CNR1: variants seen among roughly 807,000 people sequenced by gnomAD.
The protein encoded by CNR1 is cannabinoid receptor 1, also known as cannabinoid receptor 1 (brain).
CNR1 carries 10 observed loss-of-function variants against 23.0 expected under a neutral mutation model. That is an observed-to-expected ratio of 0.43 (90% confidence interval 0.27 to 0.74). The LOEUF is 0.74. Among genes scored for constraint, CNR1 ranks in the 30% least tolerant of loss-of-function variants. The probability of loss-of-function intolerance (pLI) is 0.19; values close to 1 mark genes in which losing one functional copy is unlikely to be tolerated. For synonymous variants in CNR1, 271 were observed against 255.2 expected, an observed-to-expected ratio of 1.06 and a Z score of -0.59; for missense variants, 422 against 618.8, an observed-to-expected ratio of 0.68 and a Z score of 3.37.
intron 1 of CNR1, among the ~76,000 whole-genome samples, chr6:88,150,375 T>G (rs1341282845): frequency 2.0e-5 from 3 of 152,182 alleles, no homozygotes; most frequent in Non-Finnish European, 4.4e-5. Flanking sequence ...GGAGTAAGTT[T>G]CTTGTTACCC....
rs1776723764 is a variant in CNR1, at chr6:88,140,069, A to T, written c.*3787T>A. Reference sequence around the variant, plus strand: ...TTAATGACTGAAGCTACATTTAATAACAATCTTACCAGTACTTGTATACAA... The same window carrying T: ...TTAATGACTGAAGCTACATTTAATATCAATCTTACCAGTACTTGTATACAA... On this transcript the variant is annotated 3_prime_UTR_variant, in exon 2 of 2. Coordinates refer to ENST00000369501, the MANE Select transcript of CNR1 (RefSeq NM_016083.6). The T allele has an allele frequency of 6.5e-6, 1 of 152,810 alleles. No homozygotes were observed. The highest frequency in any genetic ancestry group is 1.5e-5 in the Non-Finnish European group (1 of 68,036). The allele number at this position is 152,810 out of a possible 1,614,324, so 9.5% of individuals were successfully genotyped here. A position where few individuals can be genotyped will look rare whatever the true frequency, so the allele number is the denominator to read the frequency against.
intron 1 of CNR1, among the ~76,000 whole-genome samples, chr6:88,154,461 AT>A (rs1264776763): frequency 2.0e-5 from 3 of 152,262 alleles, no homozygotes; most frequent in Non-Finnish European, 4.4e-5. Flanking sequence ...TGTATAACAA[AT>A]TCCATTTACT....
At position 88,144,397 on chromosome 6, in the gene CNR1, G is replaced by A. The variant is rs750147244; in HGVS notation, c.878C>T (p.Ala293Val). The change falls in exon 2 of 2, where the codon GCG (alanine) becomes GTG (valine). Residue 293 changes from alanine (A) to valine (V), a missense_variant. Transcript: ENST00000369501. The surrounding 1 kb of genome is among the most constrained non-coding windows in gnomAD (Gnocchi z 7.8). ...TSVLLLFIVY[A>V]YMYILWKAHS... Reference sequence around the variant, plus strand: ...AGCCTTCCAGAGAATATACATGTACGCATACACGATGAACAGAAGCAGTAC... The same window carrying A: ...AGCCTTCCAGAGAATATACATGTACACATACACGATGAACAGAAGCAGTAC... 3.7e-6 allele frequency: 6 copies of A among 1,613,926 alleles called. No homozygotes were observed. The highest frequency in any genetic ancestry group is 1.1e-5 in the South Asian group (1 of 91,082).
In CNR1 at chr6:88,143,753, A is replaced by C; in HGVS notation, c.*103T>G. On this transcript the variant is annotated 3_prime_UTR_variant, in exon 2 of 2. Transcript: ENST00000369501. ...GGTGACAATCACCTTTTCATTGAGC[A>C]TGGTAAAGTTAAAAAAATATAACCA... The C allele has an allele frequency of 1.2e-6, 1 of 805,912 alleles. No individual in the cohort carries two copies. The highest frequency in any genetic ancestry group is 1.7e-5 in the South Asian group (1 of 59,556). The allele number at this position is 805,912 out of a possible 1,614,324, so 49.9% of individuals were successfully genotyped here.
intron 1 of CNR1, among the ~76,000 whole-genome samples, chr6:88,153,183 C>A (rs1777619992): frequency 6.6e-6 from 1 of 152,094 alleles, no homozygotes; most frequent in African/African-American, 2.4e-5. Context: ...TCTCTGTATG[C>A]AAACCTGCCT....
At chr6:88,148,910 G>A (rs1003153999) in intron 1 of CNR1, among the ~76,000 whole-genome samples, 1 of 152,236 alleles carries the variant, frequency 6.6e-6, no homozygotes, top group African/African-American at 2.4e-5. Flanking sequence ...CTGCCAAACT[G>A]AGGGCCCCGA....
rs1582313598 is a variant in CNR1, at chr6:88,141,280, A to C, written c.*2576T>G. ...TCTAACTAGTTTTAAACCTTTTTAA[A>C]TGAAGGTTGTATAACATACGTGATG... On this transcript the variant is annotated 3_prime_UTR_variant, in exon 2 of 2. Transcript: ENST00000369501. The C allele has an allele frequency of 6.5e-6, 1 of 152,768 alleles. No homozygotes were observed. The highest frequency in any genetic ancestry group is 1.9e-4 in the East Asian group (1 of 5,338). The allele number at this position is 152,768 out of a possible 1,614,324, so 9.5% of individuals were successfully genotyped here.
intron 1 of CNR1, among the ~76,000 whole-genome samples, chr6:88,149,924 T>C (rs1456018407): frequency 6.6e-6 from 1 of 152,226 alleles, no homozygotes. Context: ...TTTACCAGCC[T>C]GATAGCATGA....
rs1778055587 is a variant in CNR1 at position 88,160,680 on chromosome 6, C to T, written c.-64+5123G>A. Among the ~76,000 whole-genome samples, 7 of 152,300 alleles carry T rather than the reference C, an allele frequency of 4.6e-5. No homozygotes were observed. The South Asian group carries it at 1.5e-3, about 32-fold the overall frequency. ...GAACTCCTGACCTCAAGTGATCCAC[C>T]TGCCTTGGCCTCCCAAAGTGCTGGG... On this transcript the variant is annotated intron_variant, in intron 1 of 1. Coordinates refer to ENST00000369501, the MANE Select transcript of CNR1 (RefSeq NM_016083.6).
chr6:88,163,060 G>C (rs1355219721), intron 1 of CNR1: 1 of 152,190 alleles, frequency 6.6e-6, no homozygotes, highest in East Asian at 1.9e-4. Context: ...GATGGAGCCT[G>C]TCCTTTAGGT....
intron 1 of CNR1, among the ~76,000 whole-genome samples, chr6:88,153,094 A>T (rs1388632259): frequency 6.6e-6 from 1 of 152,220 alleles, no homozygotes; most frequent in Non-Finnish European, 1.5e-5. Context: ...TAAAGATAAA[A>T]ATATCTTAAT....
rs748984706 is a variant in CNR1, at chr6:88,165,901, T to G, written c.-162A>C. The G allele has an allele frequency of 2.6e-5, 4 of 152,402 alleles. No individual in the cohort carries two copies. Among genetic ancestry groups the G allele is most frequent in the Non-Finnish European group, 5.9e-5 (4 of 68,162 alleles). The allele number at this position is 152,402 out of a possible 1,614,324, so 9.4% of individuals were successfully genotyped here. A position where few individuals can be genotyped will look rare whatever the true frequency, so the allele number is the denominator to read the frequency against. ...CTAGAACGAAATATCCCCCACTGACTACGGAGAGCTCTGCAGGGAGCCGAG... is the reference window on the plus strand; with the variant it reads ...CTAGAACGAAATATCCCCCACTGACGACGGAGAGCTCTGCAGGGAGCCGAG... On this transcript the variant is annotated 5_prime_UTR_variant, in exon 1 of 2. Coordinates refer to ENST00000369501, the MANE Select transcript of CNR1 (RefSeq NM_016083.6).
chr6:88,166,584 T>TTCC (rs1217191019), upstream of CNR1, among the ~76,000 whole-genome samples: 73 of 152,036 alleles, frequency 4.8e-4, no homozygotes, highest in African/African-American at 1.5e-3. Flanking sequence ...ACTTCTCCTC[T>TTCC]TCCTCCTCCT....
chr6:88,156,050 C>A (rs1358136241), intron 1 of CNR1, among the ~76,000 whole-genome samples: 1 of 152,120 alleles, frequency 6.6e-6, no homozygotes, highest in Non-Finnish European at 1.5e-5. Flanking sequence ...CACCATGAGC[C>A]ATGAGGTTTT....
chr6:88,163,174 C>G (rs1239630975), intron 1 of CNR1: 1 of 152,212 alleles, frequency 6.6e-6, no homozygotes, highest in East Asian at 1.9e-4. Flanking sequence ...ATTCAGACTT[C>G]TCCAAAATAT....
chr6:88,164,791 T>G (rs992723050), intron 1 of CNR1, among the ~76,000 whole-genome samples: 2 of 152,186 alleles, frequency 1.3e-5, no homozygotes, highest in Non-Finnish European at 2.9e-5. Flanking sequence ...CCGCTAAGCT[T>G]CCTCTAAGAA....
Position 88,144,885 on chromosome 6 carries a change from C to G in CNR1, c.390G>C (p.Thr130=). ...ACAGCACCAGGAGGTTCTCCAGGAC[C>G]GTGAAGGTGCCCAGCGTGAGGGACA... ...AVLSLTLGTF[T]VLENLLVLCV... Residue 130 remains threonine, a synonymous_variant, in exon 2 of 2, where the codon ACG becomes ACC. Coordinates refer to ENST00000369501, the MANE Select transcript of CNR1 (RefSeq NM_016083.6). This position sits in a 1 kb window ranked among gnomAD's most constrained non-coding sequence, Gnocchi z 7.8. The G allele has an allele frequency of 6.2e-7, 1 of 1,614,168 alleles. No homozygotes were observed. The highest frequency in any genetic ancestry group is 1.1e-5 in the South Asian group (1 of 91,078).
chr6:88,165,455 T>C (rs572182137), intron 1 of CNR1, among the ~76,000 whole-genome samples: 10 of 152,374 alleles, frequency 6.6e-5, no homozygotes, highest in African/African-American at 2.4e-4. Flanking sequence ...CAGAGATCGA[T>C]GTATTTCCCT....
At chr6:88,158,336 A>T (rs1324624531) in intron 1 of CNR1, among the ~76,000 whole-genome samples, 1 of 152,214 alleles carries the variant, frequency 6.6e-6, no homozygotes, top group Non-Finnish European at 1.5e-5. Flanking sequence ...AGATTCCAGG[A>T]ACTGAAAAGT....
Sources: gnomAD v4.1 joint callset for allele counts (sites outside exome capture counted in the v4.1 genomes callset) on GRCh38, gnomAD v4.1.1 for gene constraint, Gnocchi (gnomAD v3.1) non-coding constraint, MANE v1.5 for transcripts, NCBI Gene and HGNC (gene_info 2026-07-23, HGNC 2026-07-21) for gene names.